The following FAF1 variants were observed in gnomAD, a reference collection of about 807,000 sequenced individuals.
FAF1 encodes the protein Fas associated factor 1, also known as FAS-associated factor 1.
In FAF1, 25 loss-of-function variants were observed where a neutral mutation model predicts 92.5. The observed-to-expected ratio is 0.27, with a 90% confidence interval of 0.20 to 0.38. The LOEUF (loss-of-function observed/expected upper bound fraction) is 0.38. Among genes scored for constraint, FAF1 ranks in the 10% least tolerant of loss-of-function variants. The pLI is 1.00. For missense variants in FAF1, 636 were observed against 793.3 expected, an observed-to-expected ratio of 0.80 and a Z score of 2.38; for synonymous variants, 234 against 273.2, an observed-to-expected ratio of 0.86 and a Z score of 1.42.
chr1:50,831,135 A>AT lies in FAF1; in HGVS notation c.114+26793dup, dbSNP rs111429121. 9.7e-4 allele frequency among the ~76,000 whole-genome samples: 146 copies of AT among 150,476 alleles called. 1 individual carries two copies. The highest frequency in any genetic ancestry group is 3.1e-3 in the African/African-American group (126 of 41,110). ...AATTGAGTCAGTAGACAAAGCAGGG[A>AT]TTTTTTTTTTAAAGTTCCTAATTAA... is the stretch of plus-strand genomic sequence containing the variant. On this transcript the variant is annotated intron_variant, in intron 2 of 18. Coordinates refer to ENST00000396153, the MANE Select transcript of FAF1 (RefSeq NM_007051.3).
At chr1:50,778,838 GACACACAC>G (rs139878228) in intron 4 of FAF1, among the ~76,000 whole-genome samples, 14 of 147,580 alleles carry the variant, frequency 9.5e-5, no homozygotes, top group African/African-American at 2.5e-4. Flanking sequence ...AAAACACACA[GACACACAC>G]ACACACACAC....
chr1:50,791,922 G>C (rs1661575902), intron 3 of FAF1, among the ~76,000 whole-genome samples: 2 of 152,118 alleles, frequency 1.3e-5, no homozygotes, highest in South Asian at 4.1e-4. Flanking sequence ...TTCAAGAATT[G>C]GCTTGATTAT....
chr1:50,846,511 C>CG (rs1644301897), intron 2 of FAF1: 1 of 495,834 alleles, frequency 2.0e-6, no homozygotes, highest in African/African-American at 2.0e-5. Context: ...AGCCATGCCG[C>CG]GGCCAGACTG....
intron 4 of FAF1, among the ~76,000 whole-genome samples, chr1:50,774,623 A>G (rs903046087): frequency 2.1e-4 from 32 of 152,160 alleles, no homozygotes; most frequent in Non-Finnish European, 8.8e-5. Context: ...TTTTTCTGCT[A>G]TATCTCAAAA....
At chr1:50,692,382 T>A (rs556496404) in intron 7 of FAF1, among the ~76,000 whole-genome samples, 1 of 151,490 alleles carries the variant, frequency 6.6e-6, no homozygotes, top group Non-Finnish European at 1.5e-5. Context: ...GAAAGACCAT[T>A]AAAATTTATT....
intron 1 of FAF1, among the ~76,000 whole-genome samples, chr1:50,940,023 G>A (rs911369640): frequency 1.4e-4 from 22 of 152,228 alleles, no homozygotes; most frequent in African/African-American, 5.1e-4. Context: ...TAATTCTCGT[G>A]CCTCAGCCTC....
chr1:50,683,242 C>T (rs1268628315), intron 7 of FAF1, among the ~76,000 whole-genome samples: 1 of 150,054 alleles, frequency 6.7e-6, no homozygotes, highest in African/African-American at 2.4e-5. Context: ...AACATTATAC[C>T]TCGGCCGGGT....
At chr1:50,512,463 G>T (rs557609756) in intron 15 of FAF1, among the ~76,000 whole-genome samples, 1 of 152,152 alleles carries the variant, frequency 6.6e-6, no homozygotes, top group Non-Finnish European at 1.5e-5. Context: ...CATATGGCTA[G>T]CCAGTTTTCC....
intron 2 of FAF1, among the ~76,000 whole-genome samples, chr1:50,843,138 A>C (rs1361368334): frequency 6.6e-6 from 1 of 152,294 alleles, no homozygotes; most frequent in South Asian, 2.1e-4. Flanking sequence ...ACCAAAACCT[A>C]AATTTGCTAC....
chr1:50,553,332 C>T (rs986535709), intron 13 of FAF1, among the ~76,000 whole-genome samples: 1 of 152,100 alleles, frequency 6.6e-6, no homozygotes. Context: ...GAAAAATTTT[C>T]TGGAGAACAT....
At chr1:50,586,496 A>G (rs2124035588) in intron 9 of FAF1, among the ~76,000 whole-genome samples, 1 of 152,232 alleles carries the variant, frequency 6.6e-6, no homozygotes, top group Non-Finnish European at 1.5e-5. Flanking sequence ...TCATAATCAT[A>G]TTTTCCCTCT....
chr1:50,527,811 G>GTC (rs9326017), intron 15 of FAF1, among the ~76,000 whole-genome samples: 896 of 75,264 alleles, frequency 0.012, 67 homozygotes, highest in Middle Eastern at 0.026. Flanking sequence ...TTACTCTGCT[G>GTC]TCTCTCTCTC....
At chr1:50,536,470 T>C (rs1297322302) in intron 14 of FAF1, among the ~76,000 whole-genome samples, 1 of 152,196 alleles carries the variant, frequency 6.6e-6, no homozygotes, top group Non-Finnish European at 1.5e-5. Flanking sequence ...AGACCAAACA[T>C]TCTTGCTGGC....
intron 4 of FAF1, among the ~76,000 whole-genome samples, chr1:50,751,357 T>C (rs144803915): frequency 0.013 from 1,977 of 152,208 alleles, 42 homozygotes; most frequent in African/African-American, 0.043. Context: ...TGTTTTGAGA[T>C]GGAGTCTCAC....
intron 3 of FAF1, among the ~76,000 whole-genome samples, chr1:50,791,761 T>C (rs1286004548): frequency 1.3e-5 from 2 of 152,244 alleles, no homozygotes; most frequent in Non-Finnish European, 2.9e-5. Context: ...ATCATATCCA[T>C]GTTACCACTT....
At chr1:50,698,374 T>C (rs1557481409) in intron 7 of FAF1, among the ~76,000 whole-genome samples, 1 of 152,110 alleles carries the variant, frequency 6.6e-6, no homozygotes, top group Non-Finnish European at 1.5e-5. Context: ...ATTTTAATAC[T>C]GAAAAAGAAA....
intron 3 of FAF1, among the ~76,000 whole-genome samples, chr1:50,798,557 T>C (rs1486889957): frequency 1.3e-5 from 2 of 152,066 alleles, no homozygotes. Flanking sequence ...AGTGTCTGTT[T>C]ATGACTGAAT....
At chr1:50,531,361 G>C (rs1330160160) in intron 15 of FAF1, among the ~76,000 whole-genome samples, 4 of 152,116 alleles carry the variant, frequency 2.6e-5, no homozygotes, top group Admixed American at 2.0e-4. Flanking sequence ...ACAATAAATA[G>C]ATCACAAACT....
intron 4 of FAF1, among the ~76,000 whole-genome samples, chr1:50,754,730 T>G (rs960092693): frequency 2.0e-5 from 3 of 152,160 alleles, no homozygotes; most frequent in East Asian, 3.8e-4. Flanking sequence ...TACCTGAGAT[T>G]GGGCAATTTA....
Sources: allele counts gnomAD v4.1 joint callset (sites outside exome capture counted in the v4.1 genomes callset), GRCh38; gene constraint gnomAD v4.1.1; transcripts MANE v1.5; gene names NCBI Gene and HGNC (gene_info 2026-07-23, HGNC 2026-07-21).